MSRA: variants seen among roughly 807,000 people sequenced by gnomAD.
The protein encoded by MSRA is mitochondrial peptide methionine sulfoxide reductase.
In MSRA, 54 loss-of-function variants were observed where a neutral mutation model predicts 31.3. The ratio of observed to expected loss-of-function variants is 1.73; its 90% CI spans 1.39 to 2.17. The LOEUF (loss-of-function observed/expected upper bound fraction) is 2.17, where lower values mean the gene tolerates loss of function less well. Ranked by LOEUF, MSRA falls within the 30% of genes most tolerant of loss-of-function variation. The pLI, the probability that MSRA is intolerant of heterozygous loss-of-function variation, is 0.00. For synonymous variants in MSRA, 169 were observed against 116.5 expected, an observed-to-expected ratio of 1.45 and a Z score of -2.90; for missense variants, 507 against 300.9, an observed-to-expected ratio of 1.69 and a Z score of -5.07.
At chr8:10,321,792 G>A (rs1802057312) in intron 5 of MSRA, among the ~76,000 whole-genome samples, 1 of 152,182 alleles carries the variant, frequency 6.6e-6, no homozygotes, top group African/African-American at 2.4e-5. Context: ...ATGTGAGTGA[G>A]CTTCGAATCC....
chr8:10,142,516 G>A (rs1009654712), intron 1 of MSRA, among the ~76,000 whole-genome samples: 1 of 152,220 alleles, frequency 6.6e-6, no homozygotes, highest in Non-Finnish European at 1.5e-5. Flanking sequence ...GGTTTTCAGA[G>A]CAGTAGCATT....
chr8:10,288,592 G>A (rs1406214958), intron 3 of MSRA, among the ~76,000 whole-genome samples: 1 of 152,090 alleles, frequency 6.6e-6, no homozygotes, highest in Non-Finnish European at 1.5e-5. Flanking sequence ...CTGTCTAGGA[G>A]GCAAGGCCAA....
chr8:10,211,442 G>T (rs1645404460), intron 2 of MSRA, among the ~76,000 whole-genome samples: 1 of 152,112 alleles, frequency 6.6e-6, no homozygotes, highest in Admixed American at 6.5e-5. Flanking sequence ...AAGGTAATAG[G>T]CTTGGTCCTC....
chr8:10,260,305 C>A (rs899276773), intron 3 of MSRA, among the ~76,000 whole-genome samples: 1 of 152,124 alleles, frequency 6.6e-6, no homozygotes, highest in Non-Finnish European at 1.5e-5. Context: ...CACGCCTGGC[C>A]AGTGACAGGG....
At chr8:10,364,401 C>G (rs1320489562) in intron 5 of MSRA, among the ~76,000 whole-genome samples, 1 of 152,208 alleles carries the variant, frequency 6.6e-6, no homozygotes, top group East Asian at 1.9e-4. Context: ...TCGAAATCAT[C>G]CTTGGCGAAT....
At chr8:10,354,278 C>G (rs6984111) in intron 5 of MSRA, among the ~76,000 whole-genome samples, 1 of 152,018 alleles carries the variant, frequency 6.6e-6, no homozygotes, top group Non-Finnish European at 1.5e-5. Context: ...TACAATGCAT[C>G]TGCTACAGCC....
intron 1 of MSRA, among the ~76,000 whole-genome samples, chr8:10,068,909 A>C (rs1384206762): frequency 6.6e-6 from 1 of 152,138 alleles, no homozygotes; most frequent in Non-Finnish European, 1.5e-5. Context: ...GAATCTACCT[A>C]TTTGTGCACA....
intron 1 of MSRA, among the ~76,000 whole-genome samples, chr8:10,107,183 G>C (rs1563102571): frequency 6.6e-6 from 1 of 152,036 alleles, no homozygotes; most frequent in East Asian, 1.9e-4. Context: ...TCACCTTCTT[G>C]TCCCTCTGCA....
chr8:10,295,589 C>CT (rs544513459), intron 3 of MSRA, among the ~76,000 whole-genome samples: 2,035 of 152,322 alleles, frequency 0.013, 28 homozygotes, highest in Non-Finnish European at 0.022. Flanking sequence ...ATAAGACCTG[C>CT]TTCCCTGCTG....
intron 1 of MSRA, among the ~76,000 whole-genome samples, chr8:10,195,434 G>T (rs1463276479): frequency 2.0e-5 from 3 of 152,252 alleles, no homozygotes; most frequent in Admixed American, 1.3e-4. Flanking sequence ...AGAGATGGGG[G>T]TTCCCCATGT....
chr8:10,357,681 A>C (rs1428579192), intron 5 of MSRA, among the ~76,000 whole-genome samples: 1 of 152,208 alleles, frequency 6.6e-6, no homozygotes, highest in Non-Finnish European at 1.5e-5. Context: ...TCTTTTAATC[A>C]GAAAAAAGTA....
chr8:10,096,860 C>T (rs1299339900), intron 1 of MSRA, among the ~76,000 whole-genome samples: 2 of 152,152 alleles, frequency 1.3e-5, no homozygotes, highest in Admixed American at 6.5e-5. Context: ...TTTTTAAAGA[C>T]AGTTTGACTT....
intron 5 of MSRA, among the ~76,000 whole-genome samples, chr8:10,404,979 C>T (rs1477832292): frequency 2.0e-5 from 3 of 152,320 alleles, no homozygotes; most frequent in East Asian, 1.9e-4. Flanking sequence ...CTGCCTTAGG[C>T]CACAGTCACA....
chr8:10,144,613 C>G (rs750178724), intron 1 of MSRA, among the ~76,000 whole-genome samples: 6 of 152,002 alleles, frequency 3.9e-5, no homozygotes, highest in Non-Finnish European at 8.8e-5. Context: ...CTCCCCCTTC[C>G]CTCTCCCTGC....
intron 1 of MSRA, among the ~76,000 whole-genome samples, chr8:10,076,430 T>G (rs1797998075): frequency 1.3e-5 from 2 of 152,210 alleles, no homozygotes; most frequent in Admixed American, 1.3e-4. Context: ...TTGGGAGAAC[T>G]GGCCTCTGGG....
intron 3 of MSRA, among the ~76,000 whole-genome samples, chr8:10,300,565 G>T (rs1800788635): frequency 6.6e-6 from 1 of 151,866 alleles, no homozygotes; most frequent in South Asian, 2.1e-4. Context: ...TAATTTTTTT[G>T]TTCAGTAGAG....
chr8:10,293,642 T>C (rs1800370200), intron 3 of MSRA, among the ~76,000 whole-genome samples: 2 of 152,336 alleles, frequency 1.3e-5, no homozygotes, highest in South Asian at 4.1e-4. Flanking sequence ...GACGTGTCTC[T>C]GGTTCCCCAA....
At chr8:10,195,200 C>T (rs996103946) in intron 1 of MSRA, among the ~76,000 whole-genome samples, 1 of 152,204 alleles carries the variant, frequency 6.6e-6, no homozygotes, top group African/African-American at 2.4e-5. Flanking sequence ...TATGGAAGCT[C>T]AACTGGGATG....
chr8:10,093,569 A>G (rs1461701727), intron 1 of MSRA, among the ~76,000 whole-genome samples: 1 of 152,196 alleles, frequency 6.6e-6, no homozygotes, highest in Non-Finnish European at 1.5e-5. Context: ...TTTACATCAG[A>G]TAGAAAAAAG....
Sources: allele counts gnomAD v4.1 joint callset (sites outside exome capture counted in the v4.1 genomes callset), GRCh38; gene constraint gnomAD v4.1.1; transcripts MANE v1.5; gene names NCBI Gene and HGNC (gene_info 2026-07-23, HGNC 2026-07-21).